Variants in OMA1 observed in about 807,000 individuals in gnomAD.
The protein encoded by OMA1 is metalloendopeptidase OMA1, mitochondrial.
OMA1 carries 38 observed loss-of-function variants against 30.9 expected under a neutral mutation model. That is an observed-to-expected ratio of 1.23 (90% confidence interval 0.95 to 1.61). The LOEUF (loss-of-function observed/expected upper bound fraction) is 1.61, where lower values mean the gene tolerates loss of function less well. Among genes scored for constraint, OMA1 ranks in the 40% most tolerant of loss-of-function variants. The pLI, the probability that OMA1 is intolerant of heterozygous loss-of-function variation, is 0.00. For missense variants in OMA1, 461 were observed against 349.2 expected, an observed-to-expected ratio of 1.32 and a Z score of -2.55; for synonymous variants, 173 against 121.9, an observed-to-expected ratio of 1.42 and a Z score of -2.76.
At chr1:58,536,456 T>C in intron 3 of OMA1, 57 bp downstream of exon 3, 4 of 758,174 alleles carry the variant, frequency 5.3e-6, no homozygotes, top group Non-Finnish European at 9.4e-6. Flanking sequence ...TTAAGATACT[T>C]TCCTACTTTG....
intron 8 of OMA1, among the ~76,000 whole-genome samples, chr1:58,502,790 C>T (rs1322416691): frequency 6.6e-6 from 1 of 152,138 alleles, no homozygotes; most frequent in Non-Finnish European, 1.5e-5. Flanking sequence ...TCACTTCAAC[C>T]ACTGAGTTAT....
chr1:58,538,058 G>C (rs1406464691), intron 2 of OMA1, among the ~76,000 whole-genome samples: 2 of 152,194 alleles, frequency 1.3e-5, no homozygotes, highest in Non-Finnish European at 2.9e-5. Context: ...GTTACAAATA[G>C]AAGTTCTTGG....
intron 8 of OMA1, among the ~76,000 whole-genome samples, chr1:58,495,254 C>T (rs1196640026): frequency 6.6e-6 from 1 of 152,120 alleles, no homozygotes; most frequent in African/African-American, 2.4e-5. Flanking sequence ...GAACATCACA[C>T]ACAGGGGTCT....
At chr1:58,484,083 C>T (rs1645534436) in intron 8 of OMA1, among the ~76,000 whole-genome samples, 1 of 152,140 alleles carries the variant, frequency 6.6e-6, no homozygotes, top group Non-Finnish European at 1.5e-5. Context: ...CTTAAATTCG[C>T]TTATTCAGTC....
chr1:58,545,684 G>T (rs1177637409), intron 1 of OMA1, among the ~76,000 whole-genome samples: 1 of 152,206 alleles, frequency 6.6e-6, no homozygotes, highest in Non-Finnish European at 1.5e-5. Context: ...ATCTCCGAAT[G>T]AGCAAGTGCA....
At chr1:58,489,326 C>T (rs113112072) in intron 8 of OMA1, among the ~76,000 whole-genome samples, 3 of 152,322 alleles carry the variant, frequency 2.0e-5, no homozygotes, top group African/African-American at 7.2e-5. Context: ...GTCCTACGCC[C>T]ACAGAGCCTC....
chr1:58,493,680 GAATA>G (rs1404925426), intron 8 of OMA1, among the ~76,000 whole-genome samples: 10 of 151,546 alleles, frequency 6.6e-5, no homozygotes, highest in Admixed American at 6.6e-4. Flanking sequence ...GCTTCAAAGA[GAATA>G]AAATAGCTAG....
chr1:58,498,142 A>G (rs956956424), intron 8 of OMA1, among the ~76,000 whole-genome samples: 1 of 152,170 alleles, frequency 6.6e-6, no homozygotes, highest in Non-Finnish European at 1.5e-5. Flanking sequence ...ATACTGTTCA[A>G]TATCAGTGGG....
intron 8 of OMA1, among the ~76,000 whole-genome samples, chr1:58,485,718 G>A (rs1645566043): frequency 6.6e-6 from 1 of 151,734 alleles, no homozygotes; most frequent in Non-Finnish European, 1.5e-5. Flanking sequence ...TCAAAAGTGA[G>A]CAAAATTTTC....
intron 7 of OMA1, among the ~76,000 whole-genome samples, chr1:58,527,005 C>T (rs11799415): frequency 0.12 from 17,701 of 152,038 alleles, 1,227 homozygotes; most frequent in African/African-American, 0.18. Flanking sequence ...TTAATAGAAC[C>T]TGATAATTAC....
chr1:58,522,849 C>T (rs769544727), intron 7 of OMA1, among the ~76,000 whole-genome samples: 16 of 152,144 alleles, frequency 1.1e-4, no homozygotes, highest in Non-Finnish European at 1.9e-4. Flanking sequence ...GGAAGTGGAT[C>T]ATCATAAATG....
At position 58,484,336 on chromosome 1, in the gene OMA1, T is replaced by C. The variant is rs186225752; in HGVS notation, c.1366-3162A>G. ...GATATGTGAAGTCTAACACCCAAAA[T>C]AGAATGATCTGATCAAAGAGTAAGC... On this transcript the variant is annotated intron_variant, in intron 8 of 8. Transcript: ENST00000371226. Among the ~76,000 whole-genome samples, 1,287 of 152,296 alleles carry C rather than the reference T, an allele frequency of 8.5e-3. 5 individuals carry two copies. The highest frequency in any genetic ancestry group is 0.012 in the Non-Finnish European group (834 of 68,014).
intron 2 of OMA1, among the ~76,000 whole-genome samples, 197 bp downstream of exon 2, chr1:58,538,598 A>G (rs1207297506): frequency 6.6e-6 from 1 of 152,210 alleles, no homozygotes; most frequent in Non-Finnish European, 1.5e-5. Flanking sequence ...TAAATCATAC[A>G]GAACAAAATT....
chr1:58,530,936 G>GT (rs1194280503), intron 5 of OMA1, among the ~76,000 whole-genome samples: 1 of 151,790 alleles, frequency 6.6e-6, no homozygotes, highest in Non-Finnish European at 1.5e-5. Flanking sequence ...CATTTAACTA[G>GT]TATCTACTAA....
intron 1 of OMA1, among the ~76,000 whole-genome samples, chr1:58,545,529 G>C (rs1194510803): frequency 6.6e-6 from 1 of 152,044 alleles, no homozygotes; most frequent in East Asian, 1.9e-4. Context: ...AATCAGGGCT[G>C]ACATATTCTC....
intron 8 of OMA1, among the ~76,000 whole-genome samples, chr1:58,489,441 T>C (rs1163239311): frequency 6.6e-6 from 1 of 152,084 alleles, no homozygotes; most frequent in Non-Finnish European, 1.5e-5. Context: ...ACAAAGCAGC[T>C]GGGAAGCTCG....
Position 58,534,240 on chromosome 1 carries a change from T to C in OMA1, c.821A>G (p.Asn274Ser), listed in dbSNP as rs1026493303. The change falls in exon 4 of 9, where the codon AAT becomes AGT. Residue 274 changes from asparagine (N) to serine (S), a missense_variant. Asn to Ser is a conservative substitution (Grantham distance 46). Transcript: ENST00000371226. ...KEVLCHLIECNKDVPGISQIN... is the reference protein window; with the variant it reads ...KEVLCHLIECSKDVPGISQIN... ...CTGAGAGATCCCTGGAACATCTTTA[T>C]TGCATTCAATTAGATGACAAAGCAC... is the stretch of plus-strand genomic sequence containing the variant. 3 of 871,902 alleles carry C rather than the reference T, an allele frequency of 3.4e-6. No individual in the cohort carries two copies. The highest frequency in any genetic ancestry group is 6.0e-6 in the Non-Finnish European group (3 of 501,544). 54.0% of individuals were successfully genotyped at this position (871,902 alleles called of 1,614,324 possible).
Position 58,534,185 on chromosome 1 carries a change from G to A in OMA1, c.876C>T (p.Ser292=), listed in dbSNP as rs1242382845. The A allele has an allele frequency of 1.1e-6, 1 of 871,332 alleles. No homozygotes were observed. Among genetic ancestry groups the A allele is most frequent in the South Asian group, 1.3e-5 (1 of 75,892 alleles). 54.0% of individuals were successfully genotyped at this position (871,332 alleles called of 1,614,324 possible). A position where few individuals can be genotyped will look rare whatever the true frequency, so the allele number is the denominator to read the frequency against. Residue 292 remains serine (S), a synonymous_variant, in exon 4 of 9, where the codon TCC becomes TCT. Coordinates refer to ENST00000371226, the MANE Select transcript of OMA1 (RefSeq NM_145243.5). ...QINWVIHVVD[S]PIINAFVLPN... ...GAAGCACGAAGGCATTAATAATTGG[G>A]GAATCAACCACATGAATAACCCAAT...
Position 58,539,215 on chromosome 1 carries a change from T to C in OMA1, c.80A>G (p.Lys27Arg), listed in dbSNP as rs768491533. 1 of 872,730 alleles carries C rather than the reference T, an allele frequency of 1.1e-6. No homozygotes were observed. Among genetic ancestry groups the C allele is most frequent in the African/African-American group, 1.6e-5 (1 of 61,324 alleles). 54.1% of individuals were successfully genotyped at this position (872,730 alleles called of 1,614,324 possible). The change falls in exon 2 of 9, where the codon AAA becomes AGA. Residue 27 changes from lysine to arginine, a missense_variant. Physicochemically the swap from Lys to Arg is conservative, Grantham distance 26. Transcript: ENST00000371226. ...TGAGGTGGATGCTAATGTGTTACATTTTCTCCAGTTAGACAGTGAATTAAA... is the reference window on the plus strand; with the variant it reads ...TGAGGTGGATGCTAATGTGTTACATCTTCTCCAGTTAGACAGTGAATTAAA... ...FRFNSLSNWR[K>R]CNTLASTSRG...
Sources: gnomAD v4.1 joint callset for allele counts (sites outside exome capture counted in the v4.1 genomes callset) on GRCh38, gnomAD v4.1.1 for gene constraint, MANE v1.5 for transcripts, NCBI Gene and HGNC (gene_info 2026-07-23, HGNC 2026-07-21) for gene names.